The following ARHGAP21 variants were observed in gnomAD, a reference collection of about 807,000 sequenced individuals.
ARHGAP21 encodes the protein Rho GTPase activating protein 21, also known as rho GTPase-activating protein 21.
In ARHGAP21, 38 loss-of-function variants were observed where a neutral mutation model predicts 164.6. That is an observed-to-expected ratio of 0.23 (90% CI 0.18 to 0.30). The LOEUF is 0.30. Among genes scored for constraint, ARHGAP21 ranks in the 10% least tolerant of loss-of-function variants. ARHGAP21 has a pLI of 1.00. For synonymous variants in ARHGAP21, 766 were observed against 857.9 expected (o/e 0.89, Z 1.87); for missense variants, 1,822 against 2,370.7 (o/e 0.77, Z 4.81).
At chr10:24,591,093 T>A (rs546093886) in intron 24 of ARHGAP21, 132 bp downstream of exon 24, 54 of 1,001,908 alleles carry the variant, frequency 5.4e-5, no homozygotes, top group Non-Finnish European at 7.2e-5. Flanking sequence ...AAGATTAAGG[T>A]TTTTTATTAG....
At chr10:24,594,715 C>CT (rs1301472061) in intron 21 of ARHGAP21, among the ~76,000 whole-genome samples, 3 of 152,050 alleles carry the variant, frequency 2.0e-5, no homozygotes, top group African/African-American at 7.2e-5. Context: ...AAATTTCTGA[C>CT]TTTTTCATTT....
At position 24,621,104 on chromosome 10, in the gene ARHGAP21, A is replaced by G. The variant is rs1834499067; in HGVS notation, c.791T>C (p.Val264Ala). ...CCTTACACTTTCATTGCAAACACAC[A>G]CTGCTGTGTTTGATTTTGCAACATC... ...PTDVAKSNTA[V>A]CVCNESVRTV... The change falls in exon 9 of 26, where the codon GTG becomes GCG. Residue 264 changes from valine (V) to alanine (A), a missense_variant. Around this residue, in one of 5 missense-constraint regions of ARHGAP21, gnomAD observed 1,090 missense variants for 1,378.9 expected, o/e 0.79. Transcript: ENST00000396432. 1 of 1,612,792 alleles carries G rather than the reference A, an allele frequency of 6.2e-7. No individual in the cohort carries two copies. Among genetic ancestry groups the G allele is most frequent in the African/African-American group, 1.3e-5 (1 of 74,858 alleles).
At chr10:24,632,277 G>T (rs886970055) in intron 6 of ARHGAP21, among the ~76,000 whole-genome samples, 6 of 152,150 alleles carry the variant, frequency 3.9e-5, no homozygotes, top group African/African-American at 1.4e-4. Flanking sequence ...TTAAAGAAGA[G>T]ATATTAACAA....
At chr10:24,689,433 A>T (rs1471013632) in intron 2 of ARHGAP21, among the ~76,000 whole-genome samples, 1 of 152,136 alleles carries the variant, frequency 6.6e-6, no homozygotes, top group African/African-American at 2.4e-5. Flanking sequence ...ATTCTTCCAG[A>T]CTTTTTCATA....
In ARHGAP21 at chr10:24,670,357, A is replaced by G. The variant is rs1253482889; in HGVS notation, c.104T>C (p.Val35Ala). The stretch of plus-strand genomic sequence containing the variant: ...GAATGTTTCATCTTCAGACAGTGAT[A>G]CAGTTTCACTTTGTTCTTTTCCATC... Reference protein sequence around the residue: ...NKDGKEQSETVSLSEDETFSW... With the variant: ...NKDGKEQSETASLSEDETFSW... Residue 35 changes from valine (V) to alanine (A), a missense_variant, in exon 3 of 26, where the codon GTA becomes GCA. Val to Ala is a moderately conservative substitution (Grantham distance 64, BLOSUM62 0). Transcript: ENST00000396432. 1.2e-6 allele frequency: 2 copies of G among 1,603,064 alleles called. No homozygotes were observed. Among genetic ancestry groups the G allele is most frequent in the East Asian group, 2.2e-5 (1 of 44,636 alleles).
rs377057227 is a variant in ARHGAP21, at chr10:24,584,756, G to A, written c.5533C>T (p.Gln1845Ter). 23 of 1,613,860 alleles carry A rather than the reference G, an allele frequency of 1.4e-5. No individual in the cohort carries two copies. Among genetic ancestry groups the A allele is most frequent in the Admixed American group, 8.3e-5 (5 of 60,000 alleles). The change falls in exon 26 of 26, where the codon CAG becomes TAG. Residue 1845 changes from glutamine (Q) to a stop codon, truncating the protein, a stop_gained. Transcript: ENST00000396432. LOFTEE classifies it low-confidence loss of function (END_TRUNC). The part of the protein sequence containing the change: ...VNRLKPKCSA[Q>*]DLSISDWLAR... The stretch of plus-strand genomic sequence containing the variant: ...AGCCAGTCTGAGATGGAAAGGTCCT[G>A]GGCTGAGCATTTTGGTTTTAACCGG...
chr10:24,674,740 TACAC>T (rs1261127023), intron 2 of ARHGAP21, among the ~76,000 whole-genome samples: 3 of 152,096 alleles, frequency 2.0e-5, no homozygotes, highest in African/African-American at 7.2e-5. Flanking sequence ...CGTATATACA[TACAC>T]ACATACACTT....
chr10:24,620,094 T>A lies in ARHGAP21; in HGVS notation c.1801A>T (p.Thr601Ser). The change falls in exon 9 of 26, where the codon ACT (threonine) becomes TCT (serine). Residue 601 changes from threonine to serine, a missense_variant. This residue lies in a region of ARHGAP21 where 1,090 missense variants were observed against 1,378.9 expected (regional missense o/e 0.79). Coordinates refer to ENST00000396432, the MANE Select transcript of ARHGAP21 (RefSeq NM_020824.4). Reference sequence around the variant, plus strand: ...CGAGGCAGTGACATTCCACAAGTAGTCTGAAAATTTCTGTTTGACTGCAAT... The same window carrying A: ...CGAGGCAGTGACATTCCACAAGTAGACTGAAAATTTCTGTTTGACTGCAAT... ...KTLQSNRNFQ[T>S]TCGMSLPRGI... 6.2e-7 allele frequency: 1 copy of A among 1,613,992 alleles called. No homozygotes were observed. Among genetic ancestry groups the A allele is most frequent in the Non-Finnish European group, 8.5e-7 (1 of 1,179,882 alleles).
chr10:24,683,963 C>T (rs1265348938), intron 2 of ARHGAP21, among the ~76,000 whole-genome samples: 2 of 152,160 alleles, frequency 1.3e-5, no homozygotes, highest in South Asian at 2.1e-4. Context: ...GCATATGCTA[C>T]ATACACTGCA....
chr10:24,709,259 A>G (rs1271962750), intron 2 of ARHGAP21, among the ~76,000 whole-genome samples: 1 of 152,224 alleles, frequency 6.6e-6, no homozygotes, highest in African/African-American at 2.4e-5. Context: ...AGGCTCAATC[A>G]GTAATTTAAA....
intron 12 of ARHGAP21, among the ~76,000 whole-genome samples, chr10:24,603,682 A>G (rs935775563): frequency 6.6e-6 from 1 of 152,030 alleles, no homozygotes; most frequent in South Asian, 2.1e-4. Context: ...AAGAATAAGG[A>G]AGGCAGCAAG....
chr10:24,603,322 C>T (rs555232099), intron 12 of ARHGAP21, among the ~76,000 whole-genome samples: 5 of 152,226 alleles, frequency 3.3e-5, no homozygotes, highest in African/African-American at 1.2e-4. Context: ...GTGTTGAATA[C>T]CAGCGAGGGC....
chr10:24,700,739 T>C (rs1843597050), intron 2 of ARHGAP21, among the ~76,000 whole-genome samples: 1 of 152,336 alleles, frequency 6.6e-6, no homozygotes, highest in Non-Finnish European at 1.5e-5. Flanking sequence ...AAAAGGATGA[T>C]ACAATGTAAA....
intron 9 of ARHGAP21, among the ~76,000 whole-genome samples, chr10:24,614,949 G>A (rs936390180): frequency 1.3e-5 from 2 of 151,994 alleles, no homozygotes; most frequent in Non-Finnish European, 2.9e-5. Context: ...CACTTTGGGA[G>A]GCTGAGGGGG....
chr10:24,700,167 T>C (rs926598799), intron 2 of ARHGAP21, among the ~76,000 whole-genome samples: 21 of 152,188 alleles, frequency 1.4e-4, no homozygotes, highest in African/African-American at 5.1e-4. Flanking sequence ...GATCCACCTG[T>C]GGAAAACCAG....
chr10:24,623,116 C>T (rs151002778), intron 7 of ARHGAP21, among the ~76,000 whole-genome samples: 4 of 152,192 alleles, frequency 2.6e-5, no homozygotes, highest in Non-Finnish European at 5.9e-5. Context: ...TCTCATTTCC[C>T]CCCAGCTTCT....
At chr10:24,630,597 T>C (rs1835759715) in intron 6 of ARHGAP21, among the ~76,000 whole-genome samples, 1 of 152,160 alleles carries the variant, frequency 6.6e-6, no homozygotes, top group Admixed American at 6.5e-5. Context: ...GTCTAAGCCA[T>C]TCTCATGCCT....
chr10:24,716,649 T>C (rs979980895), intron 2 of ARHGAP21, among the ~76,000 whole-genome samples: 2 of 152,282 alleles, frequency 1.3e-5, no homozygotes, highest in Admixed American at 6.5e-5. Flanking sequence ...TGAGAAGCCA[T>C]TTGAGGAATT....
chr10:24,600,662 C>T lies in ARHGAP21; in HGVS notation c.3116G>A (p.Ser1039Asn), dbSNP rs376073062. Residue 1039 changes from serine to asparagine, a missense_variant, in exon 14 of 26, where the codon AGC (serine) becomes AAC (asparagine). By Grantham distance (46) the Ser-to-Asn change is conservative. Transcript: ENST00000396432. Reference sequence around the variant, plus strand: ...AACACCCACCTCTTCGTTTAGGTTGCTGCTCTCCTGGATCGTCTTGATCCA... The same window carrying T: ...AACACCCACCTCTTCGTTTAGGTTGTTGCTCTCCTGGATCGTCTTGATCCA... ...LAWIKTIQESSNLNEEDTGVT... is the reference protein window; with the variant it reads ...LAWIKTIQESNNLNEEDTGVT... 4 of 1,613,408 alleles carry T rather than the reference C, an allele frequency of 2.5e-6. No individual in the cohort carries two copies. The African/African-American group carries it at 4.0e-5, about 16-fold the overall frequency.
Sources: allele counts gnomAD v4.1 joint callset (sites outside exome capture counted in the v4.1 genomes callset), GRCh38; gene constraint gnomAD v4.1.1; regional missense constraint gnomAD v4.1.1; transcripts MANE v1.5; gene names NCBI Gene and HGNC (gene_info 2026-07-23, HGNC 2026-07-21).